Variants in PLCZ1 observed in about 807,000 individuals in gnomAD.
The protein encoded by PLCZ1 is phospholipase C zeta 1, also known as 1-phosphatidylinositol 4,5-bisphosphate phosphodiesterase zeta-1.
Under a neutral mutation model 76.8 loss-of-function variants are expected in PLCZ1, and 64 were observed. The observed-to-expected ratio is 0.83, with a 90% CI of 0.68 to 1.03. The LOEUF is 1.03. PLCZ1 is among the 50% of genes least tolerant of loss of function. PLCZ1 has a pLI of 0.00. For missense variants in PLCZ1, 751 were observed against 713.7 expected, an observed-to-expected ratio of 1.05 and a Z score of -0.60; for synonymous variants, 248 against 230.8, an observed-to-expected ratio of 1.07 and a Z score of -0.68.
At chr12:18,662,773 A>G in the PLCZ1 span, among the ~76,000 whole-genome samples, 2 of 152,142 alleles carry the variant, frequency 1.3e-5, no homozygotes, top group African/African-American at 4.8e-5. Flanking sequence ...AGCTGTTATA[A>G]AATCAAATTA....
chr12:18,693,762 T>A, intron 12 of PLCZ1: 2 of 1,518,170 alleles, frequency 1.3e-6, no homozygotes, highest in Admixed American at 3.3e-5. Flanking sequence ...AAAGCTATCA[T>A]GGCCACAAAC....
the PLCZ1 span, among the ~76,000 whole-genome samples, chr12:18,661,370 A>G: frequency 9.6e-6 from 1 of 104,132 alleles, no homozygotes; most frequent in Non-Finnish European, 2.4e-5. Flanking sequence ...GCCAAAAATA[A>G]AAAAAAAGAG....
intron 10 of PLCZ1, among the ~76,000 whole-genome samples, chr12:18,696,917 ATTTGTAG>A (rs1319162609): frequency 3.7e-4 from 57 of 152,246 alleles, no homozygotes; most frequent in African/African-American, 1.3e-3. Flanking sequence ...ATCTCTACGT[ATTTGTAG>A]TATACACACA....
At chr12:18,665,364 A>T in the PLCZ1 span, among the ~76,000 whole-genome samples, 1 of 152,230 alleles carries the variant, frequency 6.6e-6, no homozygotes, top group East Asian at 1.9e-4. Flanking sequence ...ACCTCTAAAA[A>T]TGGCTAAAAT....
chr12:18,723,485 G>A lies in PLCZ1; in HGVS notation c.193C>T (p.Arg65Ter), dbSNP rs745955620. Residue 65 changes from arginine to a stop codon, truncating the protein, a stop_gained, in exon 4 of 15, where the codon CGA becomes TGA. Transcript: ENST00000266505. LOFTEE classifies it high-confidence loss of function. ...ATTTCTTCTCTGTGCGTGATAATTC[G>A]ATAAATTGCTCTAAATTCTTCTATG... is the stretch of plus-strand genomic sequence containing the variant. ...ITIEEFRAIY[R>*]IITHREEIIE... 17 of 1,612,692 alleles carry A rather than the reference G, an allele frequency of 1.1e-5. No individual in the cohort carries two copies. Among genetic ancestry groups the A allele is most frequent in the Admixed American group, 3.3e-5 (2 of 59,850 alleles).
chr12:18,692,617 G>GT (rs1248463296), intron 12 of PLCZ1: 1 of 570,026 alleles, frequency 1.8e-6, no homozygotes, highest in African/African-American at 1.9e-5. Context: ...GCAATATGAG[G>GT]TCAACCGCAA....
downstream of PLCZ1, among the ~76,000 whole-genome samples, chr12:18,678,522 A>ACGCC (rs1394602405): frequency 6.6e-6 from 1 of 151,788 alleles, no homozygotes; most frequent in African/African-American, 2.4e-5. Flanking sequence ...TCCATCCCTA[A>ACGCC]CGCCATTCAC....
chr12:18,708,902 G>A (rs1221286375), intron 6 of PLCZ1, among the ~76,000 whole-genome samples: 1 of 151,784 alleles, frequency 6.6e-6, no homozygotes, highest in African/African-American at 2.4e-5. Context: ...ATAAATTTTG[G>A]ATATTACTCC....
At chr12:18,723,712 T>C (rs1360688807) in intron 3 of PLCZ1, among the ~76,000 whole-genome samples, 170 bp from the exon 4 acceptor site, 2 of 152,048 alleles carry the variant, frequency 1.3e-5, no homozygotes, top group Non-Finnish European at 2.9e-5. Context: ...GACGTCAAAA[T>C]TGGAAAAGGG....
chr12:18,709,546 T>C (rs889317530), intron 6 of PLCZ1, among the ~76,000 whole-genome samples: 2 of 151,712 alleles, frequency 1.3e-5, no homozygotes, highest in Non-Finnish European at 2.9e-5. Flanking sequence ...TTTTTATTTC[T>C]ATGAATAATG....
the PLCZ1 span, among the ~76,000 whole-genome samples, chr12:18,651,825 A>G: frequency 1.3e-5 from 2 of 152,146 alleles, no homozygotes; most frequent in African/African-American, 2.4e-5. Context: ...GTTCACAGAC[A>G]TATGCATGAG....
At chr12:18,668,391 T>C in the PLCZ1 span, among the ~76,000 whole-genome samples, 2 of 152,138 alleles carry the variant, frequency 1.3e-5, no homozygotes, top group Admixed American at 1.3e-4. Context: ...AAGGGAAAAT[T>C]TGTAAAAGGA....
intron 14 of PLCZ1, 88 bp downstream of exon 14, chr12:18,684,042 G>C: frequency 5.6e-6 from 8 of 1,425,542 alleles, no homozygotes; most frequent in Non-Finnish European, 7.8e-6. Context: ...CTTTATGATA[G>C]AGCTATTTGG....
At chr12:18,699,201 C>T (rs1011582460) in intron 10 of PLCZ1, among the ~76,000 whole-genome samples, 1 of 152,134 alleles carries the variant, frequency 6.6e-6, no homozygotes, top group African/African-American at 2.4e-5. Context: ...GGTAGTCCAG[C>T]CTGGGCGCCA....
At chr12:18,647,815 C>A in the PLCZ1 span, 2 of 1,014,040 alleles carry the variant, frequency 2.0e-6, no homozygotes, top group South Asian at 2.7e-5. Flanking sequence ...AAGCAATACT[C>A]AAAAAAGAGA....
chr12:18,696,902 G>A (rs1955138547), intron 10 of PLCZ1, among the ~76,000 whole-genome samples: 1 of 151,876 alleles, frequency 6.6e-6, no homozygotes, highest in African/African-American at 2.4e-5. Context: ...GTTCTTACTG[G>A]GATAATCTCT....
chr12:18,721,042 A>G (rs2137529558), intron 4 of PLCZ1, among the ~76,000 whole-genome samples: 1 of 152,206 alleles, frequency 6.6e-6, no homozygotes, highest in South Asian at 2.1e-4. Context: ...TAAATTTAGG[A>G]AGATAGAAGT....
At chr12:18,685,541 T>C in intron 13 of PLCZ1, 1 of 376,066 alleles carries the variant, frequency 2.7e-6, no homozygotes, top group South Asian at 2.1e-5. Flanking sequence ...ATGTTTTCTA[T>C]GGTTCACCTG....
the PLCZ1 span, among the ~76,000 whole-genome samples, chr12:18,650,826 CA>C: frequency 2.7e-5 from 4 of 146,924 alleles, no homozygotes; most frequent in Non-Finnish European, 6.0e-5. Flanking sequence ...ATCCAATCAC[CA>C]ACCACTTATC....
Sources: allele counts gnomAD v4.1 joint callset (sites outside exome capture counted in the v4.1 genomes callset), GRCh38; gene constraint gnomAD v4.1.1; transcripts MANE v1.5; gene names NCBI Gene and HGNC (gene_info 2026-07-23, HGNC 2026-07-21).